Variants in TVP23A observed in about 807,000 individuals in gnomAD.
TVP23A encodes the protein Golgi apparatus membrane protein TVP23 homolog A.
In TVP23A, 21 loss-of-function variants were observed where a neutral mutation model predicts 31.7. That is an observed-to-expected ratio of 0.66 (90% confidence interval 0.47 to 0.95). The LOEUF (loss-of-function observed/expected upper bound fraction) is 0.95, where lower values mean the gene tolerates loss of function less well. Ranked by LOEUF, TVP23A falls within the 40% of genes least tolerant of loss-of-function variation. TVP23A has a pLI of 0.00. For missense variants in TVP23A, 279 were observed against 255.6 expected (o/e 1.09, Z -0.62); for synonymous variants, 104 against 96.0 (o/e 1.08, Z -0.49).
chr16:10,770,458 G>A, intron 6 of TVP23A, 127 bp from the exon 7 acceptor site: 3 of 982,496 alleles, frequency 3.1e-6, no homozygotes, highest in Non-Finnish European at 4.4e-6. Context: ...TGATGTCTTG[G>A]CATAAAGCAG....
intron 2 of TVP23A, among the ~76,000 whole-genome samples, chr16:10,803,113 G>A (rs1371272178): frequency 2.0e-5 from 3 of 152,166 alleles, no homozygotes; most frequent in Non-Finnish European, 2.9e-5. Context: ...GCAAAATCCC[G>A]TCTCTACTAA....
rs796925406 is a variant in TVP23A, at chr16:10,810,546, C to CA, written c.89+7556dup. ...TGGGTGACAGAGCAAGACCCTGTCT[C>CA]AAAAAAAAAAAAAAAGAAAAGAAAA... On this transcript the variant is annotated intron_variant, in intron 2 of 7. Coordinates refer to ENST00000299866, the MANE Select transcript of TVP23A (RefSeq NM_001079512.4). 3.2e-3 allele frequency among the ~76,000 whole-genome samples: 296 copies of CA among 93,146 alleles called. 2 individuals carry two copies. The highest frequency in any genetic ancestry group is 9.3e-3 in the Admixed American group (75 of 8,062). 61.1% of individuals were successfully genotyped at this position (93,146 alleles called of 152,430 possible).
chr16:10,770,575 A>G (rs1362866913), intron 6 of TVP23A, among the ~76,000 whole-genome samples: 1 of 150,014 alleles, frequency 6.7e-6, no homozygotes, highest in Non-Finnish European at 1.5e-5. Context: ...TAAAAAAAAA[A>G]AACAAAACAA....
chr16:10,762,329 G>T (rs769138980), downstream of TVP23A, among the ~76,000 whole-genome samples: 28 of 152,184 alleles, frequency 1.8e-4, no homozygotes, highest in Admixed American at 4.6e-4. Context: ...TCACTGGCCT[G>T]CGAGCAGGGG....
Position 10,774,943 on chromosome 16 carries a change from G to A in TVP23A, c.234+9C>T, listed in dbSNP as rs1262075012. ...TCGGAAGTGATGACATCACACGAAAGGGCCTCACCTTCACAGACCAGAAGT... is the reference window on the plus strand; with the variant it reads ...TCGGAAGTGATGACATCACACGAAAAGGCCTCACCTTCACAGACCAGAAGT... On this transcript the variant is annotated intron_variant, in intron 3 of 7. Transcript: ENST00000299866. The A allele has an allele frequency of 1.9e-6, 3 of 1,611,316 alleles. No homozygotes were observed. Among genetic ancestry groups the A allele is most frequent in the Non-Finnish European group, 2.5e-6 (3 of 1,178,300 alleles).
intron 2 of TVP23A, among the ~76,000 whole-genome samples, chr16:10,796,535 C>A (rs913798435): frequency 1.3e-5 from 2 of 152,164 alleles, no homozygotes; most frequent in Non-Finnish European, 2.9e-5. Flanking sequence ...CGGGTTCACA[C>A]CATTCTCCTG....
downstream of TVP23A, among the ~76,000 whole-genome samples, chr16:10,762,880 T>C (rs1341626689): frequency 6.6e-6 from 1 of 151,690 alleles, no homozygotes; most frequent in African/African-American, 2.4e-5. Flanking sequence ...GTGGGGAGCC[T>C]TGGGGAAGGG....
intron 2 of TVP23A, among the ~76,000 whole-genome samples, chr16:10,810,408 G>A (rs777259823): frequency 3.9e-5 from 6 of 151,926 alleles, no homozygotes; most frequent in Non-Finnish European, 5.9e-5. Context: ...TTAGGCAGGC[G>A]TGGTGGTGCA....
At chr16:10,798,049 G>A (rs927365935) in intron 2 of TVP23A, among the ~76,000 whole-genome samples, 8 of 146,170 alleles carry the variant, frequency 5.5e-5, no homozygotes, top group South Asian at 4.4e-4. Context: ...TCCGCCTCCC[G>A]GGTTCAAGCA....
chr16:10,764,585 G>A (rs916355388), downstream of TVP23A, among the ~76,000 whole-genome samples: 2 of 150,986 alleles, frequency 1.3e-5, 1 homozygote, highest in African/African-American at 4.9e-5. Flanking sequence ...GAGTATGTCA[G>A]TCTATTGGAG....
At chr16:10,802,206 C>T (rs11074926) in intron 2 of TVP23A, among the ~76,000 whole-genome samples, 30,456 of 148,700 alleles carry the variant, frequency 0.2, 6,670 homozygotes, top group African/African-American at 0.55. Flanking sequence ...TGAGTAACAA[C>T]AAGAGTATGT....
intron 2 of TVP23A, among the ~76,000 whole-genome samples, chr16:10,788,082 G>T (rs780754507): frequency 3.9e-5 from 6 of 152,084 alleles, no homozygotes; most frequent in Non-Finnish European, 7.3e-5. Context: ...GGAGACAAAG[G>T]CATCAATCAA....
In TVP23A at chr16:10,818,214, C is replaced by A; in HGVS notation, c.10-32G>T. ...GGAGAGCAAGGGCAGGTGGCAGGCC[C>A]AAGCACGGCGCACACCCCAACCCCA... On this transcript the variant is annotated intron_variant, in intron 1 of 7. Transcript: ENST00000299866. The surrounding 1 kb of genome is among the most constrained non-coding windows in gnomAD (Gnocchi z 4.7). The A allele has an allele frequency of 6.4e-7, 1 of 1,559,554 alleles. No individual in the cohort carries two copies.
rs760801777 is a variant in TVP23A, at chr16:10,816,228, C to CAAAAA, written c.89+1870_89+1874dup. On this transcript the variant is annotated intron_variant, in intron 2 of 7. Coordinates refer to ENST00000299866, the MANE Select transcript of TVP23A (RefSeq NM_001079512.4). The stretch of plus-strand genomic sequence containing the variant: ...TTGGCAACAGAGCAAAACCCTATCT[C>CAAAAA]AAAAAAAAAAAAAAAAAAAAGAAAT... Among the ~76,000 whole-genome samples, 352 of 73,744 alleles carry CAAAAA rather than the reference C, an allele frequency of 4.8e-3. 4 individuals are homozygous for CAAAAA. Among genetic ancestry groups the CAAAAA allele is most frequent in the Non-Finnish European group, 6.9e-3 (210 of 30,572 alleles). 48.4% of individuals were successfully genotyped at this position (73,744 alleles called of 152,430 possible).
At chr16:10,774,329 C>T (rs2031844573) in intron 3 of TVP23A, among the ~76,000 whole-genome samples, 1 of 152,152 alleles carries the variant, frequency 6.6e-6, no homozygotes, top group African/African-American at 2.4e-5. Context: ...CACACTCCCC[C>T]CACAAAACAT....
intron 2 of TVP23A, among the ~76,000 whole-genome samples, chr16:10,786,795 C>A (rs528763632): frequency 6.6e-6 from 1 of 151,746 alleles, no homozygotes; most frequent in East Asian, 1.9e-4. Context: ...TATACTTTTA[C>A]GTAAATTTGA....
Position 10,809,710 on chromosome 16 carries a change from G to T in TVP23A, c.89+8393C>A, listed in dbSNP as rs111390567. ...CCCAGAACTGTACTGTGGGGGTGCA[G>T]TCACTTGGCTAGGGAGTGGTAGAAT... On this transcript the variant is annotated intron_variant, in intron 2 of 7. Coordinates refer to ENST00000299866, the MANE Select transcript of TVP23A (RefSeq NM_001079512.4). 4.8e-3 allele frequency among the ~76,000 whole-genome samples: 726 copies of T among 152,312 alleles called. 6 individuals carry two copies. Among genetic ancestry groups the T allele is most frequent in the African/African-American group, 0.016 (676 of 41,554 alleles).
chr16:10,797,591 C>A (rs1033583823), intron 2 of TVP23A, among the ~76,000 whole-genome samples: 1 of 151,518 alleles, frequency 6.6e-6, no homozygotes, highest in East Asian at 1.9e-4. Context: ...ATTAGCCAGG[C>A]GTGGTAGTGC....
intron 2 of TVP23A, chr16:10,775,573 G>A: frequency 2.0e-6 from 2 of 1,001,216 alleles, no homozygotes; most frequent in African/African-American, 1.7e-5. Flanking sequence ...CATGTGACCT[G>A]TGAATGGCAG....
Sources: allele counts gnomAD v4.1 joint callset (sites outside exome capture counted in the v4.1 genomes callset), GRCh38; gene constraint gnomAD v4.1.1; non-coding constraint Gnocchi (gnomAD v3.1); transcripts MANE v1.5; gene names NCBI Gene and HGNC (gene_info 2026-07-23, HGNC 2026-07-21).